Variants in RAPGEF2 observed in about 807,000 individuals in gnomAD.
The protein encoded by RAPGEF2 is PDZ domain containing guanine nucleotide exchange factor (GEF) 1.
Under a neutral mutation model 186.7 loss-of-function variants are expected in RAPGEF2, and 54 were observed. That is an observed-to-expected ratio of 0.29 (90% confidence interval 0.23 to 0.36). The LOEUF (loss-of-function observed/expected upper bound fraction) is 0.36. RAPGEF2 is among the 10% of genes least tolerant of loss of function. RAPGEF2 has a pLI of 1.00. For missense variants in RAPGEF2, 1,532 were observed against 2,045.0 expected (o/e 0.75, Z 4.84); for synonymous variants, 712 against 705.9 (o/e 1.01, Z -0.14).
At chr4:159,234,483 G>C (rs1752998019) in intron 4 of RAPGEF2, among the ~76,000 whole-genome samples, 1 of 151,310 alleles carries the variant, frequency 6.6e-6, no homozygotes, top group African/African-American at 2.4e-5. Context: ...TCCGGGTTCA[G>C]GTGATTATTC....
At chr4:159,280,909 TACC>T (rs1422621745) in intron 7 of RAPGEF2, among the ~76,000 whole-genome samples, 1 of 152,070 alleles carries the variant, frequency 6.6e-6, no homozygotes, top group African/African-American at 2.4e-5. Flanking sequence ...GTACTTTATT[TACC>T]AAGGACCTTG....
intron 7 of RAPGEF2, among the ~76,000 whole-genome samples, chr4:159,286,790 C>T (rs1267516135): frequency 5.9e-5 from 9 of 152,172 alleles, no homozygotes; most frequent in African/African-American, 1.2e-4. Flanking sequence ...AGGTTTTCCT[C>T]GGGCATTTCT....
chr4:159,270,161 A>T (rs1185609947), intron 7 of RAPGEF2, among the ~76,000 whole-genome samples: 2 of 152,262 alleles, frequency 1.3e-5, no homozygotes, highest in Non-Finnish European at 2.9e-5. Flanking sequence ...TCAAGATGTC[A>T]CATGCAGCAG....
Position 159,341,471 on chromosome 4 carries a change from C to G in RAPGEF2, c.2535-93C>G, listed in dbSNP as rs1729464149. On this transcript the variant is annotated intron_variant, in intron 19 of 29. Coordinates refer to ENST00000691494, the MANE Select transcript of RAPGEF2 (RefSeq NM_001394067.2). The stretch of plus-strand genomic sequence containing the variant: ...TCCATAATTCAAATCAGTGCTCTCT[C>G]AAACTTTCCATAAAAAGTAGCATTA... 8 of 1,338,276 alleles carry G rather than the reference C, an allele frequency of 6.0e-6. No homozygotes were observed. The South Asian group carries it at 1.2e-4, about 20-fold the overall frequency. The allele number at this position is 1,338,276 out of a possible 1,614,324, so 82.9% of individuals were successfully genotyped here.
chr4:159,356,295 A>T (rs913770103), intron 29 of RAPGEF2, 137 bp downstream of exon 29: 2 of 936,742 alleles, frequency 2.1e-6, no homozygotes, highest in Non-Finnish European at 3.1e-6. Context: ...CTACATTCAG[A>T]GTTCCAAATT....
chr4:159,193,350 C>A, intron 3 of RAPGEF2, 94 bp downstream of exon 3: 1 of 565,688 alleles, frequency 1.8e-6, no homozygotes, highest in South Asian at 4.9e-5. Context: ...CTGGCTAAGT[C>A]AGCACTAACT....
Position 159,358,186 on chromosome 4 carries a change from A to ACAAGAAGAC in RAPGEF2, c.*48_*56dup. On this transcript the variant is annotated 3_prime_UTR_variant, in exon 30 of 30. Transcript: ENST00000691494. ...AGAGCGAGCCACCTGAAAGGAGAGC[A>ACAAGAAGAC]CAAGAAGACGTCCTGAGCATTGGAG... 1 of 1,588,588 alleles carries ACAAGAAGAC rather than the reference A, an allele frequency of 6.3e-7. No homozygotes were observed. Among genetic ancestry groups the ACAAGAAGAC allele is most frequent in the Non-Finnish European group, 8.6e-7 (1 of 1,160,948 alleles).
chr4:159,272,159 T>C (rs921145162), intron 7 of RAPGEF2, among the ~76,000 whole-genome samples: 1 of 152,202 alleles, frequency 6.6e-6, no homozygotes, highest in African/African-American at 2.4e-5. Context: ...CAGTGCAGCC[T>C]GACTTCAATC....
Position 159,255,723 on chromosome 4 carries a change from C to A in RAPGEF2, c.543+11932C>A, listed in dbSNP as rs943574045. On this transcript the variant is annotated intron_variant, in intron 7 of 29. Transcript: ENST00000691494. The stretch of plus-strand genomic sequence containing the variant: ...ATTTTTTTTTAAATAGTCTCATTTT[C>A]TTCCATACTGTGTTTTTACTTTTAT... Among the ~76,000 whole-genome samples the A allele has an allele frequency of 2.3e-4, 35 of 152,134 alleles. No homozygotes were observed. The Middle Eastern group carries it at 0.01, about 44-fold the overall frequency.
chr4:159,259,070 A>G (rs1756510837), intron 7 of RAPGEF2, among the ~76,000 whole-genome samples: 1 of 152,244 alleles, frequency 6.6e-6, no homozygotes, highest in African/African-American at 2.4e-5. Context: ...CCCCGTCAGT[A>G]GATAAGCATG....
chr4:159,225,650 T>G (rs1751957361), intron 4 of RAPGEF2, among the ~76,000 whole-genome samples: 1 of 152,224 alleles, frequency 6.6e-6, no homozygotes, highest in Non-Finnish European at 1.5e-5. Flanking sequence ...ACACTTGGTG[T>G]TGTCAGTCTT....
intron 25 of RAPGEF2, among the ~76,000 whole-genome samples, chr4:159,347,710 G>C (rs1413509199): frequency 6.6e-6 from 1 of 152,230 alleles, no homozygotes; most frequent in Non-Finnish European, 1.5e-5. Context: ...CGTGAACCCG[G>C]GAGGGGGAGC....
chr4:159,347,242 A>G (rs1212172336), intron 25 of RAPGEF2, among the ~76,000 whole-genome samples: 2 of 152,194 alleles, frequency 1.3e-5, no homozygotes, highest in African/African-American at 4.8e-5. Context: ...TTAATAGAGA[A>G]GTTATGTGTC....
At chr4:159,122,309 T>C (rs1397981722) in intron 1 of RAPGEF2, among the ~76,000 whole-genome samples, 1 of 151,862 alleles carries the variant, frequency 6.6e-6, no homozygotes, top group Non-Finnish European at 1.5e-5. Flanking sequence ...TGAAACCCCA[T>C]CTCCACTAAA....
At chr4:159,191,417 G>A (rs1296784752) in intron 2 of RAPGEF2, among the ~76,000 whole-genome samples, 2 of 151,980 alleles carry the variant, frequency 1.3e-5, no homozygotes, top group Non-Finnish European at 2.9e-5. Flanking sequence ...GAGGAGTGGG[G>A]AAAGGGGTGA....
At chr4:159,202,724 C>G (rs1251745421) in intron 3 of RAPGEF2, among the ~76,000 whole-genome samples, 1 of 152,150 alleles carries the variant, frequency 6.6e-6, no homozygotes, top group African/African-American at 2.4e-5. Flanking sequence ...GCCTCAGCCT[C>G]CCGAATAGTT....
At chr4:159,305,931 A>T (rs1422860829) in intron 8 of RAPGEF2, among the ~76,000 whole-genome samples, 2 of 151,972 alleles carry the variant, frequency 1.3e-5, no homozygotes, top group Non-Finnish European at 2.9e-5. Flanking sequence ...TCCCCAGTAT[A>T]TGTTCTTCTT....
At chr4:159,335,718 C>G (rs1001531256) in intron 17 of RAPGEF2, among the ~76,000 whole-genome samples, 10 of 151,888 alleles carry the variant, frequency 6.6e-5, no homozygotes, top group African/African-American at 2.4e-4. Flanking sequence ...GTCTGTAGTC[C>G]CAGCTACTCG....
At chr4:159,104,528 G>GAGAGAGAGAC (rs1737617048) in intron 1 of RAPGEF2, among the ~76,000 whole-genome samples, 1 of 97,350 alleles carries the variant, frequency 1.0e-5, no homozygotes, top group Admixed American at 1.1e-4. Flanking sequence ...GAGAGAGAGG[G>GAGAGAGAGAC]AGAGACAGAG....
Sources: gnomAD v4.1 joint callset for allele counts (sites outside exome capture counted in the v4.1 genomes callset) on GRCh38, gnomAD v4.1.1 for gene constraint, MANE v1.5 for transcripts, NCBI Gene and HGNC (gene_info 2026-07-23, HGNC 2026-07-21) for gene names.